Variants in SMARCA2 observed in about 807,000 individuals in gnomAD.
SMARCA2 encodes SWI/SNF related BAF chromatin remodeling complex subunit ATPase 2.
SMARCA2 carries 61 observed loss-of-function variants against 199.8 expected under a neutral mutation model. The ratio of observed to expected loss-of-function variants is 0.31; its 90% CI spans 0.25 to 0.38. SMARCA2 has a LOEUF of 0.38. SMARCA2 is among the 10% of genes least tolerant of loss of function. The probability of loss-of-function intolerance (pLI) is 1.00; values close to 1 mark genes in which losing one functional copy is unlikely to be tolerated. For missense variants in SMARCA2, 1,344 were observed against 2,012.2 expected, an observed-to-expected ratio of 0.67 and a Z score of 6.35; for synonymous variants, 935 against 732.0, an observed-to-expected ratio of 1.28 and a Z score of -4.48.
At chr9:2,068,489 C>G (rs996583602) in intron 9 of SMARCA2, among the ~76,000 whole-genome samples, 1 of 152,124 alleles carries the variant, frequency 6.6e-6, no homozygotes, top group African/African-American at 2.4e-5. Context: ...CCTTTCTTCA[C>G]TATGACTAAA....
intron 28 of SMARCA2, among the ~76,000 whole-genome samples, chr9:2,168,725 T>C (rs928596344): frequency 5.9e-5 from 9 of 152,222 alleles, no homozygotes; most frequent in African/African-American, 1.7e-4. Flanking sequence ...TAGTTATTAT[T>C]TTTTGTTGCT....
At chr9:2,179,502 C>G (rs555840181) in intron 29 of SMARCA2, among the ~76,000 whole-genome samples, 2 of 152,192 alleles carry the variant, frequency 1.3e-5, no homozygotes, top group Admixed American at 6.5e-5. Flanking sequence ...GCATTCAGCT[C>G]TCTTCTTTAT....
chr9:2,060,775 G>A (rs114289792), intron 8 of SMARCA2, 41 bp from the exon 9 acceptor site: 8 of 1,596,126 alleles, frequency 5.0e-6, no homozygotes, highest in Admixed American at 1.7e-5. Context: ...TTGTCTGCAC[G>A]CTTATATTAT....
chr9:2,057,950 T>C (rs1820427779), intron 7 of SMARCA2, among the ~76,000 whole-genome samples: 3 of 152,250 alleles, frequency 2.0e-5, no homozygotes, highest in Admixed American at 2.0e-4. Context: ...AGGTTTATTT[T>C]GGAGTGAATG....
chr9:2,087,139 G>C, intron 18 of SMARCA2, 68 bp downstream of exon 18: 1 of 1,580,724 alleles, frequency 6.3e-7, no homozygotes, highest in Non-Finnish European at 8.6e-7. Context: ...CTAAAGCTGA[G>C]AACATTAGAG....
chr9:2,180,318 T>G (rs1036027700), intron 29 of SMARCA2, among the ~76,000 whole-genome samples: 3 of 152,252 alleles, frequency 2.0e-5, no homozygotes, highest in African/African-American at 7.2e-5. Flanking sequence ...GGTTAATTTA[T>G]GCAGGCCTCT....
intron 3 of SMARCA2, among the ~76,000 whole-genome samples, chr9:2,036,620 C>A (rs551643039): frequency 6.6e-6 from 1 of 152,096 alleles, no homozygotes; most frequent in Non-Finnish European, 1.5e-5. Context: ...ATTCACATCC[C>A]CTACAAATTC....
At position 2,073,839 on chromosome 9, in the gene SMARCA2, C is replaced by T. The variant is rs2066111; in HGVS notation, c.1935+216C>T. 0.4 allele frequency among the ~76,000 whole-genome samples: 61,256 copies of T among 151,988 alleles called. 14,600 individuals carry two copies. Among genetic ancestry groups the T allele is most frequent in the African/African-American group, 0.68 (27,988 of 41,430 alleles). On this transcript the variant is annotated intron_variant, in intron 12 of 33. Transcript: ENST00000349721. ...GGAAGGCCCTGGCTAATGGGGAAAC[C>T]TGGCACATTCTAAATTCACTTGAAA... is the stretch of plus-strand genomic sequence containing the variant.
Position 2,182,113 on chromosome 9 carries a change from T to TC in SMARCA2, c.4360-27dup, listed in dbSNP as rs1827076222. ...CTGAATTTTCCTCTCCCTCTTTTTT[T>TC]CTCCATTTTCTCCAAAATTTCCATC... is the stretch of plus-strand genomic sequence containing the variant. On this transcript the variant is annotated intron_variant, in intron 30 of 33. Transcript: ENST00000349721. The TC allele has an allele frequency of 3.6e-6, 5 of 1,407,710 alleles. No individual in the cohort carries two copies. The African/African-American group carries it at 5.7e-5, about 16-fold the overall frequency. 87.2% of individuals were successfully genotyped at this position (1,407,710 alleles called of 1,614,324 possible). A position where few individuals can be genotyped will look rare whatever the true frequency, so the allele number is the denominator to read the frequency against.
chr9:2,185,408 C>T (rs1398307872), intron 31 of SMARCA2, among the ~76,000 whole-genome samples: 2 of 152,204 alleles, frequency 1.3e-5, no homozygotes, highest in Non-Finnish European at 1.5e-5. Context: ...CTTATCCACT[C>T]ATTTGTCGAT....
In SMARCA2 at chr9:2,170,994, G is replaced by A. The variant is rs1025417089; in HGVS notation, c.4253+522G>A. On this transcript the variant is annotated intron_variant, in intron 29 of 33. Transcript: ENST00000349721. This position sits in a 1 kb window ranked among gnomAD's most constrained non-coding sequence, Gnocchi z 4.7. ...GTCTCTTGTTTGTGTGATGGGTTGGGTTTCAGGGTGTGACTCCTGGGCCTA... is the reference window on the plus strand; with the variant it reads ...GTCTCTTGTTTGTGTGATGGGTTGGATTTCAGGGTGTGACTCCTGGGCCTA... Among the ~76,000 whole-genome samples the A allele has an allele frequency of 2.0e-5, 3 of 152,206 alleles. No individual in the cohort carries two copies. Among genetic ancestry groups the A allele is most frequent in the Non-Finnish European group, 4.4e-5 (3 of 68,040 alleles).
At chr9:2,144,346 T>G (rs1824614956) in intron 27 of SMARCA2, among the ~76,000 whole-genome samples, 1 of 152,082 alleles carries the variant, frequency 6.6e-6, no homozygotes, top group Admixed American at 6.5e-5. Context: ...ATGAGGAAAT[T>G]CCAGAGCAAG....
chr9:2,117,260 C>T (rs1467561107), intron 25 of SMARCA2, among the ~76,000 whole-genome samples: 1 of 152,136 alleles, frequency 6.6e-6, no homozygotes, highest in Non-Finnish European at 1.5e-5. Context: ...GAAATGAACC[C>T]ATTTGCAAAT....
chr9:2,123,763 A>G lies in SMARCA2; in HGVS notation c.3807A>G (p.Lys1269=), dbSNP rs144212700. Residue 1269 remains lysine, a synonymous_variant, in exon 27 of 34, where the codon AAA becomes AAG. Transcript: ENST00000349721. The surrounding 1 kb of genome is among the most constrained non-coding windows in gnomAD (Gnocchi z 4.1). The part of the protein sequence containing the change: ...DRRREDARNP[K]RKPRLMEEDE... ...GGAGGGAAGATGCCCGGAACCCGAAACGGAAGCCCCGTTTAATGGAGGAGG... is the reference window on the plus strand; with the variant it reads ...GGAGGGAAGATGCCCGGAACCCGAAGCGGAAGCCCCGTTTAATGGAGGAGG... 4.6e-5 allele frequency: 74 copies of G among 1,614,038 alleles called. No individual in the cohort carries two copies. Among genetic ancestry groups the G allele is most frequent in the Non-Finnish European group, 5.2e-5 (61 of 1,180,036 alleles).
chr9:2,105,794 T>C (rs1822729203), intron 23 of SMARCA2, among the ~76,000 whole-genome samples: 1 of 152,178 alleles, frequency 6.6e-6, no homozygotes, highest in Non-Finnish European at 1.5e-5. Context: ...GTTGTGGGGC[T>C]GTATTTTCCC....
At chr9:2,037,038 G>A (rs377388091) in intron 3 of SMARCA2, among the ~76,000 whole-genome samples, 42 of 152,148 alleles carry the variant, frequency 2.8e-4, no homozygotes, top group Admixed American at 7.2e-4. Flanking sequence ...AGCCCTGGTC[G>A]TATCTCTTCT....
intron 18 of SMARCA2, among the ~76,000 whole-genome samples, chr9:2,088,178 A>T (rs1037917367): frequency 2.6e-5 from 4 of 152,216 alleles, no homozygotes; most frequent in Non-Finnish European, 4.4e-5. Flanking sequence ...ATTCTATCTC[A>T]GTCTTCAGTC....
intron 1 of SMARCA2, among the ~76,000 whole-genome samples, chr9:2,025,286 C>A (rs1403411209): frequency 1.3e-5 from 2 of 151,084 alleles, no homozygotes; most frequent in African/African-American, 4.9e-5. Context: ...GAGTCCTGGT[C>A]TGGGGGAGGG....
intron 29 of SMARCA2, among the ~76,000 whole-genome samples, chr9:2,175,401 A>C (rs942617182): frequency 3.2e-4 from 49 of 151,960 alleles, no homozygotes; most frequent in African/African-American, 1.2e-3. Flanking sequence ...CAATGGGAGA[A>C]TCCTGAAGAA....
Sources: allele counts gnomAD v4.1 joint callset (sites outside exome capture counted in the v4.1 genomes callset), GRCh38; gene constraint gnomAD v4.1.1; non-coding constraint Gnocchi (gnomAD v3.1); transcripts MANE v1.5; gene names NCBI Gene and HGNC (gene_info 2026-07-23, HGNC 2026-07-21).